The following ZBTB7C variants were observed in gnomAD, a reference collection of about 807,000 sequenced individuals.
ZBTB7C encodes the protein zinc finger and BTB domain-containing protein 7C.
Under a neutral mutation model 25.7 loss-of-function variants are expected in ZBTB7C, and 8 were observed. That is an observed-to-expected ratio of 0.31 (90% CI 0.18 to 0.56). The LOEUF (loss-of-function observed/expected upper bound fraction) is 0.56, where lower values mean the gene tolerates loss of function less well. ZBTB7C is among the 20% of genes least tolerant of loss of function. The pLI is 0.91. For missense variants in ZBTB7C, 824 were observed against 855.2 expected, an observed-to-expected ratio of 0.96 and a Z score of 0.46; for synonymous variants, 394 against 369.0, an observed-to-expected ratio of 1.07 and a Z score of -0.78.
At chr18:48,107,806 C>T (rs936474846) in intron 3 of ZBTB7C, among the ~76,000 whole-genome samples, 2 of 152,108 alleles carry the variant, frequency 1.3e-5, no homozygotes, top group Non-Finnish European at 2.9e-5. Context: ...TGAGATGGCG[C>T]CTAGGAGAAC....
At chr18:48,293,003 A>G (rs73433398) in intron 2 of ZBTB7C, among the ~76,000 whole-genome samples, 3,868 of 152,282 alleles carry the variant, frequency 0.025, 158 homozygotes, top group African/African-American at 0.087. Flanking sequence ...CAGCTCCTTG[A>G]GACAGGAACT....
intron 3 of ZBTB7C, among the ~76,000 whole-genome samples, chr18:48,137,734 G>C (rs2040219445): frequency 6.6e-6 from 1 of 152,212 alleles, no homozygotes; most frequent in Non-Finnish European, 1.5e-5. Flanking sequence ...CCTTGTGGGT[G>C]GGACCCACAG....
At chr18:48,145,063 C>T (rs374525006) in intron 3 of ZBTB7C, among the ~76,000 whole-genome samples, 4 of 152,086 alleles carry the variant, frequency 2.6e-5, no homozygotes, top group African/African-American at 4.8e-5. Context: ...TCAGGCAAAC[C>T]GAGACTGGGT....
chr18:48,282,587 C>T (rs528696753), intron 2 of ZBTB7C, among the ~76,000 whole-genome samples: 2 of 152,168 alleles, frequency 1.3e-5, no homozygotes, highest in African/African-American at 4.8e-5. Context: ...TTAATAGTCC[C>T]CACCTAGGAA....
chr18:48,360,887 T>A (rs2047089777), intron 1 of ZBTB7C, among the ~76,000 whole-genome samples: 1 of 152,098 alleles, frequency 6.6e-6, no homozygotes, highest in African/African-American at 2.4e-5. Context: ...GGGTTATGTG[T>A]CCCTGAAAGC....
At position 48,044,885 on chromosome 18, in the gene ZBTB7C, G is replaced by A. The variant is rs553847389; in HGVS notation, c.-16-3762C>T. Among the ~76,000 whole-genome samples, 8 of 152,288 alleles carry A rather than the reference G, an allele frequency of 5.3e-5. No homozygotes were observed. The East Asian group carries it at 7.7e-4, about 15-fold the overall frequency. ...GCATTTAGCTCCTATTGTTACCATC[G>A]TTCCCATTTTACAGATGAGGGAAAT... On this transcript the variant is annotated intron_variant, in intron 3 of 4. Coordinates refer to ENST00000590800, the MANE Select transcript of ZBTB7C (RefSeq NM_001318841.2).
chr18:48,311,630 G>A (rs1323585232), intron 2 of ZBTB7C, among the ~76,000 whole-genome samples: 1 of 152,080 alleles, frequency 6.6e-6, no homozygotes, highest in Non-Finnish European at 1.5e-5. Context: ...CCAATAATAT[G>A]GCTATTCAGT....
intron 2 of ZBTB7C, among the ~76,000 whole-genome samples, chr18:48,225,155 A>G (rs1473455508): frequency 6.6e-6 from 1 of 152,092 alleles, no homozygotes; most frequent in Non-Finnish European, 1.5e-5. Context: ...CCCCATCTAC[A>G]ACTGGCTTCC....
intron 3 of ZBTB7C, among the ~76,000 whole-genome samples, chr18:48,161,652 G>A (rs959417774): frequency 6.6e-6 from 1 of 151,338 alleles, no homozygotes; most frequent in Non-Finnish European, 1.5e-5. Context: ...CGGACTCCGT[G>A]CCTGCCCGCA....
In ZBTB7C at chr18:48,027,806, C is replaced by T. The variant is rs1224812417; in HGVS notation, c.*1454G>A. The T allele has an allele frequency of 6.6e-6, 1 of 152,260 alleles. No homozygotes were observed. The highest frequency in any genetic ancestry group is 1.9e-4 in the East Asian group (1 of 5,184). 9.4% of individuals were successfully genotyped at this position (152,260 alleles called of 1,614,324 possible). A position where few individuals can be genotyped will look rare whatever the true frequency, so the allele number is the denominator to read the frequency against. ...TGGGCTGCTCAGAAACCAAAGCAAA[C>T]TTGGCAAGAAAAGAGAGGGGAGGGA... On this transcript the variant is annotated 3_prime_UTR_variant, in exon 5 of 5. Transcript: ENST00000590800.
intron 2 of ZBTB7C, among the ~76,000 whole-genome samples, chr18:48,238,374 A>G (rs1367902288): frequency 6.6e-6 from 1 of 152,224 alleles, no homozygotes; most frequent in African/African-American, 2.4e-5. Context: ...ACAGGAACAT[A>G]CCAGGAAAAC....
At chr18:48,161,848 G>A (rs955843733) in intron 3 of ZBTB7C, among the ~76,000 whole-genome samples, 4 of 151,514 alleles carry the variant, frequency 2.6e-5, no homozygotes, top group Non-Finnish European at 5.9e-5. Context: ...CCCTCCTCCC[G>A]GGCGCCCCTC....
chr18:48,136,042 C>T (rs887749166), intron 3 of ZBTB7C, among the ~76,000 whole-genome samples: 4 of 152,196 alleles, frequency 2.6e-5, no homozygotes, highest in Middle Eastern at 3.2e-3. Context: ...CAGAGCACGG[C>T]GTGGGGGACC....
chr18:48,186,849 A>G (rs1295469428), intron 2 of ZBTB7C, among the ~76,000 whole-genome samples: 1 of 152,164 alleles, frequency 6.6e-6, no homozygotes, highest in African/African-American at 2.4e-5. Flanking sequence ...ATCGTGGCTA[A>G]ATACATTTTC....
rs192423478 is a variant in ZBTB7C at position 48,035,952 on chromosome 18, C to G, written c.1208+3948G>C. ...GGACAGGAGCTGCCTCTGTGGCCAG[C>G]ACAGGCACAAGCCTTTCCCAGGAGG... On this transcript the variant is annotated intron_variant, in intron 4 of 4. Coordinates refer to ENST00000590800, the MANE Select transcript of ZBTB7C (RefSeq NM_001318841.2). Among the ~76,000 whole-genome samples, 223 of 152,334 alleles carry G rather than the reference C, an allele frequency of 1.5e-3. 3 individuals carry two copies. The highest frequency in any genetic ancestry group is 4.9e-3 in the African/African-American group (205 of 41,588).
At chr18:48,351,741 CTGAT>C (rs1203498112) in intron 1 of ZBTB7C, among the ~76,000 whole-genome samples, 1 of 152,150 alleles carries the variant, frequency 6.6e-6, no homozygotes, top group Admixed American at 6.5e-5. Context: ...ACAGCAGTGA[CTGAT>C]TAAGATTTCA....
At chr18:48,220,128 C>G (rs963114798) in intron 2 of ZBTB7C, among the ~76,000 whole-genome samples, 3 of 151,086 alleles carry the variant, frequency 2.0e-5, no homozygotes, top group African/African-American at 7.3e-5. Flanking sequence ...GATCCCAGGC[C>G]CCAAGTTCAC....
In ZBTB7C at chr18:48,383,213, C is replaced by CA. The variant is rs2047671952; in HGVS notation, c.-304+26012dup. ...ATAACCCCTTACAGAATCCCCCTCA[C>CA]AAAAAACAAAAACTTTTGTAGGAAA... On this transcript the variant is annotated intron_variant, in intron 1 of 4. Coordinates refer to ENST00000590800, the MANE Select transcript of ZBTB7C (RefSeq NM_001318841.2). Among the ~76,000 whole-genome samples, 6 of 152,162 alleles carry CA rather than the reference C, an allele frequency of 3.9e-5. 1 individual carries two copies. In the South Asian group the frequency reaches 1.2e-3, roughly 32 times the overall value.
chr18:48,389,932 T>G (rs2047860734), intron 1 of ZBTB7C, among the ~76,000 whole-genome samples: 1 of 152,206 alleles, frequency 6.6e-6, no homozygotes, highest in Non-Finnish European at 1.5e-5. Context: ...TCAGGAGATG[T>G]CCTATACTTA....
Sources: allele counts gnomAD v4.1 joint callset (sites outside exome capture counted in the v4.1 genomes callset), GRCh38; gene constraint gnomAD v4.1.1; transcripts MANE v1.5; gene names NCBI Gene and HGNC (gene_info 2026-07-23, HGNC 2026-07-21).